Variants in GSTA2 observed in about 807,000 individuals in gnomAD.
GSTA2 encodes the protein glutathione S-transferase A2.
A neutral mutation model predicts 22.4 loss-of-function variants in GSTA2; 27 were observed. The ratio of observed to expected loss-of-function variants is 1.21; its 90% CI spans 0.89 to 1.67. The LOEUF is 1.67. Among genes scored for constraint, GSTA2 ranks in the 40% most tolerant of loss-of-function variants. GSTA2 has a pLI of 0.00. For missense variants in GSTA2, 302 were observed against 260.2 expected (o/e 1.16, Z -1.11); for synonymous variants, 121 against 86.8 (o/e 1.39, Z -2.19).
intron 2 of GSTA2, 137 bp downstream of exon 2, chr6:52,757,724 C>T: frequency 1.3e-6 from 1 of 755,850 alleles, no homozygotes. Flanking sequence ...CAAATCTGTT[C>T]ATCTTTTTCT....
intron 4 of GSTA2, among the ~76,000 whole-genome samples, chr6:52,754,600 T>A (rs1320612660): frequency 6.6e-6 from 1 of 152,186 alleles, no homozygotes; most frequent in Non-Finnish European, 1.5e-5. Flanking sequence ...ATTCTATGCC[T>A]GTCCTAAGCC....
rs1370902565 is a variant in GSTA2 at position 52,751,652 on chromosome 6, G to A, written c.471C>T (p.Asp157=). 1.9e-6 allele frequency: 3 copies of A among 1,614,048 alleles called. No individual in the cohort carries two copies. The highest frequency in any genetic ancestry group is 1.1e-5 in the South Asian group (1 of 91,088). The change falls in exon 6 of 7, where the codon GAC becomes GAT. Residue 157 remains aspartate, a synonymous_variant. Coordinates refer to ENST00000493422, the MANE Select transcript of GSTA2 (RefSeq NM_000846.5). ...YLVGNKLSRA[D]IHLVELLYYV... is the part of the protein sequence containing the mutation. ...AGTAGAGAAGTTCCACCAGGTGAAT[G>A]TCAGCCCGGCTCAGCTTGTTGCCAA...
At chr6:52,756,156 A>G (rs1291390299) in intron 3 of GSTA2, 102 bp downstream of exon 3, 2 of 753,102 alleles carry the variant, frequency 2.7e-6, no homozygotes, top group Non-Finnish European at 4.7e-6. Flanking sequence ...CACCATGTAC[A>G]AATACCATGC....
chr6:52,751,440 G>A (rs1263474186), intron 6 of GSTA2, 137 bp downstream of exon 6: 15 of 1,538,254 alleles, frequency 9.8e-6, no homozygotes, highest in African/African-American at 1.4e-5. Flanking sequence ...GAGCCTGGAA[G>A]CTCATTTTGG....
At chr6:52,760,449 C>G (rs1323064592) in intron 1 of GSTA2, among the ~76,000 whole-genome samples, 2 of 152,198 alleles carry the variant, frequency 1.3e-5, no homozygotes, top group Non-Finnish European at 2.9e-5. Flanking sequence ...GTCATACACA[C>G]ATGCTCCTCA....
At chr6:52,752,356 T>C (rs1762759810) in intron 5 of GSTA2, among the ~76,000 whole-genome samples, 1 of 152,188 alleles carries the variant, frequency 6.6e-6, no homozygotes, top group Admixed American at 6.5e-5. Context: ...AAAATGCATT[T>C]TACAGAATCT....
At chr6:52,756,807 C>A (rs1341510878) in intron 2 of GSTA2, among the ~76,000 whole-genome samples, 1 of 152,274 alleles carries the variant, frequency 6.6e-6, no homozygotes, top group Admixed American at 6.5e-5. Flanking sequence ...TAGGTCGCCA[C>A]TGTTGCACAG....
At chr6:52,755,175 A>G (rs1762817054) in intron 3 of GSTA2, 100 bp from the exon 4 acceptor site, 4 of 1,513,680 alleles carry the variant, frequency 2.6e-6, no homozygotes, top group South Asian at 2.5e-5. Context: ...TTGTAAAACG[A>G]AAAAGAAATT....
In GSTA2 at chr6:52,752,841, C is replaced by G; in HGVS notation, c.414+13G>C. 1.2e-6 allele frequency: 2 copies of G among 1,613,486 alleles called. No homozygotes were observed. Among genetic ancestry groups the G allele is most frequent in the South Asian group, 1.1e-5 (1 of 91,070 alleles). On this transcript the variant is annotated intron_variant, in intron 5 of 6. Coordinates refer to ENST00000493422, the MANE Select transcript of GSTA2 (RefSeq NM_000846.5). ...AAACTCAGTTCCCCAAAACACTGAA[C>G]AGCTTCACTTACTTTTTCAAAGGCA... is the stretch of plus-strand genomic sequence containing the variant.
chr6:52,760,156 C>T lies in GSTA2; in HGVS notation c.-30-2179G>A, dbSNP rs116821608. ...AGGGAGAGTGAAGTTCACATGAAAGCGTAGGGTGTGCTTGTTTAATTGTTA... is the reference window on the plus strand; with the variant it reads ...AGGGAGAGTGAAGTTCACATGAAAGTGTAGGGTGTGCTTGTTTAATTGTTA... On this transcript the variant is annotated intron_variant, in intron 1 of 6. Coordinates refer to ENST00000493422, the MANE Select transcript of GSTA2 (RefSeq NM_000846.5). Among the ~76,000 whole-genome samples, 409 of 152,240 alleles carry T rather than the reference C, an allele frequency of 2.7e-3. 2 individuals are homozygous for T. The highest frequency in any genetic ancestry group is 9.2e-3 in the African/African-American group (384 of 41,542).
intron 4 of GSTA2, among the ~76,000 whole-genome samples, chr6:52,753,953 T>TTCATATTAAAATAATCCTA (rs1485385497): frequency 6.6e-6 from 1 of 152,232 alleles, no homozygotes; most frequent in Admixed American, 6.5e-5. Context: ...ATCTGGACAT[T>TTCATATTAAAATAATCCTA]TCATATTAAA....
At chr6:52,757,120 G>C (rs1762859201) in intron 2 of GSTA2, among the ~76,000 whole-genome samples, 1 of 118,366 alleles carries the variant, frequency 8.4e-6, no homozygotes, top group Non-Finnish European at 1.7e-5. Flanking sequence ...GAATTAATAA[G>C]TGCTCAAGTA....
At chr6:52,754,745 A>G (rs1762808787) in intron 4 of GSTA2, among the ~76,000 whole-genome samples, 198 bp downstream of exon 4, 1 of 151,984 alleles carries the variant, frequency 6.6e-6, no homozygotes, top group Non-Finnish European at 1.5e-5. Flanking sequence ...CCTCTTCTAG[A>G]ATCACCCTCG....
chr6:52,751,694 G>T lies in GSTA2; in HGVS notation c.429C>A (p.His143Gln), dbSNP rs73740510. The part of the protein sequence containing the change: ...FPAFEKVLKS[H>Q]GQDYLVGNKL... ...TGTTGCCAACAAGGTAGTCTTGTCC[G>T]TGGCTCTTTAAGACCTGGAGAATGG... The change falls in exon 6 of 7, where the codon CAC becomes CAA. Residue 143 changes from histidine (H) to glutamine (Q), a missense_variant. Transcript: ENST00000493422. 1 of 1,613,822 alleles carries T rather than the reference G, an allele frequency of 6.2e-7. No homozygotes were observed. The highest frequency in any genetic ancestry group is 8.5e-7 in the Non-Finnish European group (1 of 1,179,722).
intron 4 of GSTA2, 127 bp from the exon 5 acceptor site, chr6:52,753,122 A>C (rs1581772153): frequency 1.2e-6 from 1 of 821,714 alleles, no homozygotes. Flanking sequence ...TGCCTTTTAT[A>C]GTCTAGTCAT....
At chr6:52,751,947 G>C (rs112882595) in intron 5 of GSTA2, among the ~76,000 whole-genome samples, 1 of 152,116 alleles carries the variant, frequency 6.6e-6, no homozygotes, top group South Asian at 2.1e-4. Context: ...TCACTGTGGC[G>C]TCTACACTAC....
chr6:52,752,939 G>A lies in GSTA2; in HGVS notation c.329C>T (p.Pro110Leu), dbSNP rs1391717591. 1.9e-6 allele frequency: 3 copies of A among 1,613,656 alleles called. No individual in the cohort carries two copies. In the African/African-American group the frequency reaches 4.0e-5, roughly 22 times the overall value. Residue 110 changes from proline to leucine, a missense_variant, in exon 5 of 7, where the codon CCC (proline) becomes CTC (leucine). By Grantham distance (98) the Pro-to-Leu change is moderately conservative. Coordinates refer to ENST00000493422, the MANE Select transcript of GSTA2 (RefSeq NM_000846.5). ...ADLGEMILLLPFSQPEEQDAK... is the reference protein window; with the variant it reads ...ADLGEMILLLLFSQPEEQDAK... ...ATCTTGTTCCTCAGGTTGACTAAAG[G>A]GCAGAAGAAGGATCATTTCACCCAA...
intron 4 of GSTA2, among the ~76,000 whole-genome samples, chr6:52,753,276 C>T (rs1023053523): frequency 9.9e-5 from 15 of 152,114 alleles, no homozygotes; most frequent in African/African-American, 3.6e-4. Flanking sequence ...AGAAGATCAT[C>T]GGTGGTCACA....
rs112214715 is a variant in GSTA2, at chr6:52,755,431, C to T, written c.140-356G>A. Among the ~76,000 whole-genome samples the T allele has an allele frequency of 3.4e-3, 524 of 152,236 alleles. 3 individuals carry two copies. Among genetic ancestry groups the T allele is most frequent in the African/African-American group, 0.012 (499 of 41,536 alleles). ...GTCTCACCATGTTGGCCAAACTGGT[C>T]TCAAATTCCTGAACTGAAGTCATCC... On this transcript the variant is annotated intron_variant, in intron 3 of 6. Coordinates refer to ENST00000493422, the MANE Select transcript of GSTA2 (RefSeq NM_000846.5).
Sources: gnomAD v4.1 joint callset for allele counts (sites outside exome capture counted in the v4.1 genomes callset) on GRCh38, gnomAD v4.1.1 for gene constraint, MANE v1.5 for transcripts, NCBI Gene and HGNC (gene_info 2026-07-23, HGNC 2026-07-21) for gene names.